Variants in LOC400499 observed in about 807,000 individuals in gnomAD.
chr16:11,406,649 C>A, the LOC400499 span, among the ~76,000 whole-genome samples: 1 of 152,212 alleles, frequency 6.6e-6, no homozygotes, highest in Non-Finnish European at 1.5e-5. Context: ...CCGTGCTGGT[C>A]TCGAACTCCT....
chr16:11,420,843 C>T, the LOC400499 span, among the ~76,000 whole-genome samples: 4 of 152,294 alleles, frequency 2.6e-5, no homozygotes, highest in South Asian at 4.1e-4. Flanking sequence ...ACGCCCTCCC[C>T]GATTATGCCT....
the LOC400499 span, among the ~76,000 whole-genome samples, chr16:11,495,175 C>A: frequency 6.6e-6 from 1 of 150,742 alleles, no homozygotes; most frequent in African/African-American, 2.4e-5. Flanking sequence ...TACCACTGCA[C>A]TGCACCCTGG....
chr16:11,505,421 T>A, the LOC400499 span, among the ~76,000 whole-genome samples: 1 of 151,386 alleles, frequency 6.6e-6, no homozygotes, highest in South Asian at 2.1e-4. Context: ...ATTCATTTTA[T>A]TTGATTTTTT....
chr16:11,479,732 A>C, the LOC400499 span, among the ~76,000 whole-genome samples: 1 of 152,190 alleles, frequency 6.6e-6, no homozygotes, highest in Non-Finnish European at 1.5e-5. Context: ...CATCACCAGG[A>C]TGCATGGTGC....
chr16:11,430,882 G>A, the LOC400499 span, among the ~76,000 whole-genome samples: 1 of 152,190 alleles, frequency 6.6e-6, no homozygotes, highest in African/African-American at 2.4e-5. Context: ...TCTCACAAAG[G>A]GAAATCATCC....
the LOC400499 span, among the ~76,000 whole-genome samples, chr16:11,435,268 A>G: frequency 6.6e-6 from 1 of 151,980 alleles, no homozygotes; most frequent in African/African-American, 2.4e-5. Flanking sequence ...GCACCCCACC[A>G]CACCTGGCTA....
chr16:11,478,619 C>A, the LOC400499 span: 3 of 398,996 alleles, frequency 7.5e-6, no homozygotes, highest in African/African-American at 6.2e-5. Flanking sequence ...AAGCTCAGCT[C>A]CTGCCCCAGC....
At chr16:11,383,646 CTG>C in the LOC400499 span, 5 of 1,232,146 alleles carry the variant, frequency 4.1e-6, no homozygotes, top group African/African-American at 6.2e-5. Context: ...GCTTACCACA[CTG>C]TGGAGGAGGG....
the LOC400499 span, chr16:11,448,920 C>T: frequency 5.4e-6 from 8 of 1,470,940 alleles, no homozygotes; most frequent in East Asian, 2.0e-4. Context: ...GGTTCTTACC[C>T]ACTCCAGGTG....
the LOC400499 span, among the ~76,000 whole-genome samples, chr16:11,374,312 A>G: frequency 2.0e-5 from 3 of 152,220 alleles, no homozygotes; most frequent in Non-Finnish European, 4.4e-5. Flanking sequence ...GAGATGCTCA[A>G]TATACATTTC....
the LOC400499 span, among the ~76,000 whole-genome samples, chr16:11,425,807 C>T: frequency 6.6e-6 from 1 of 152,070 alleles, no homozygotes; most frequent in Non-Finnish European, 1.5e-5. Context: ...CATACAAACT[C>T]GTTCAGAAAA....
At chr16:11,414,897 T>G in the LOC400499 span, among the ~76,000 whole-genome samples, 1 of 152,128 alleles carries the variant, frequency 6.6e-6, no homozygotes, top group African/African-American at 2.4e-5. Context: ...CTCGCTCACT[T>G]ACTTATTAGG....
the LOC400499 span, among the ~76,000 whole-genome samples, chr16:11,432,087 C>G: frequency 6.6e-6 from 1 of 152,174 alleles, no homozygotes; most frequent in Non-Finnish European, 1.5e-5. Flanking sequence ...TGGAAGAGCA[C>G]CGAGGTGCCA....
the LOC400499 span, among the ~76,000 whole-genome samples, chr16:11,415,719 T>A: frequency 6.6e-6 from 1 of 151,980 alleles, no homozygotes; most frequent in Non-Finnish European, 1.5e-5. Context: ...TGGACAGCAG[T>A]GGGAGAAGGG....
At chr16:11,408,799 T>A in the LOC400499 span, among the ~76,000 whole-genome samples, 2 of 152,036 alleles carry the variant, frequency 1.3e-5, no homozygotes, top group Non-Finnish European at 2.9e-5. Flanking sequence ...CAATAAAATG[T>A]TTAGGGGGAA....
At chr16:11,451,872 T>C in the LOC400499 span, among the ~76,000 whole-genome samples, 1 of 151,970 alleles carries the variant, frequency 6.6e-6, no homozygotes, top group Non-Finnish European at 1.5e-5. Flanking sequence ...AGGGAGACAT[T>C]GAAGAGTGGG....
the LOC400499 span, chr16:11,372,332 TC>T: frequency 6.6e-6 from 1 of 152,306 alleles, no homozygotes; most frequent in Non-Finnish European, 1.5e-5. Context: ...TGGCTTCGTG[TC>T]CCCCACCACG....
the LOC400499 span, chr16:11,446,679 G>C: frequency 3.3e-6 from 5 of 1,533,122 alleles, no homozygotes; most frequent in South Asian, 6.0e-5. Flanking sequence ...CATGCAGGGA[G>C]TGAGGAGGCA....
At chr16:11,473,145 T>A in the LOC400499 span, 1 of 131,052 alleles carries the variant, frequency 7.6e-6, no homozygotes, top group Admixed American at 8.1e-5. Flanking sequence ...ATAAATAAAA[T>A]AAAAATGTAC....
Sources: allele counts gnomAD v4.1 joint callset (sites outside exome capture counted in the v4.1 genomes callset), GRCh38; gene constraint gnomAD v4.1.1; transcripts MANE v1.5.